ZNF385B: variants seen among roughly 807,000 people sequenced by gnomAD.
The protein encoded by ZNF385B is zinc finger protein 533.
In ZNF385B, 23 loss-of-function variants were observed where a neutral mutation model predicts 39.2. The ratio of observed to expected loss-of-function variants is 0.59; its 90% CI spans 0.42 to 0.83. The LOEUF (loss-of-function observed/expected upper bound fraction) is 0.83. ZNF385B is among the 40% of genes least tolerant of loss of function. The pLI, the probability that ZNF385B is intolerant of heterozygous loss-of-function variation, is 0.00. For synonymous variants in ZNF385B, 205 were observed against 222.6 expected (o/e 0.92, Z 0.70); for missense variants, 552 against 598.9 (o/e 0.92, Z 0.82).
intron 3 of ZNF385B, among the ~76,000 whole-genome samples, chr2:179,740,597 A>G (rs1257481658): frequency 1.3e-5 from 2 of 152,186 alleles, no homozygotes; most frequent in Non-Finnish European, 2.9e-5. Flanking sequence ...TGAAATTTAG[A>G]TTATGGATTC....
chr2:179,496,318 A>G (rs2056200866), intron 5 of ZNF385B, among the ~76,000 whole-genome samples: 1 of 152,346 alleles, frequency 6.6e-6, no homozygotes. Context: ...AATTAAAAAA[A>G]CAATGAAGTA....
intron 3 of ZNF385B, chr2:179,745,886 C>A (rs1702354303): frequency 7.9e-7 from 1 of 1,261,460 alleles, no homozygotes; most frequent in Non-Finnish European, 1.0e-6. Context: ...AGTGCCGCTC[C>A]AAGCCTTCCC....
At chr2:179,617,802 C>T (rs371969807) in intron 3 of ZNF385B, among the ~76,000 whole-genome samples, 1 of 152,104 alleles carries the variant, frequency 6.6e-6, no homozygotes, top group African/African-American at 2.4e-5. Context: ...TTCTAGTATA[C>T]CCATCATCCA....
At chr2:179,576,679 T>G (rs535101672) in intron 3 of ZNF385B, among the ~76,000 whole-genome samples, 3 of 152,196 alleles carry the variant, frequency 2.0e-5, no homozygotes, top group Non-Finnish European at 1.5e-5. Context: ...ACTAACAAAT[T>G]TGAACATGAT....
chr2:179,757,187 G>A lies in ZNF385B; in HGVS notation c.298+12316C>T, dbSNP rs542798592. Among the ~76,000 whole-genome samples the A allele has an allele frequency of 3.7e-4, 56 of 152,328 alleles. 1 individual carries two copies. Among genetic ancestry groups the A allele is most frequent in the African/African-American group, 1.2e-3 (48 of 41,580 alleles). The stretch of plus-strand genomic sequence containing the variant: ...TGTTAGTTTTCCTTCTAACAGTCAG[G>A]ACCCTCAGCTGCAGGTCTGTTGGAG... On this transcript the variant is annotated intron_variant, in intron 3 of 9. Coordinates refer to ENST00000410066, the MANE Select transcript of ZNF385B (RefSeq NM_152520.6).
At chr2:179,797,357 T>C (rs1705734192) in intron 1 of ZNF385B, among the ~76,000 whole-genome samples, 1 of 152,180 alleles carries the variant, frequency 6.6e-6, no homozygotes, top group Non-Finnish European at 1.5e-5. Flanking sequence ...TTAGTATGTC[T>C]CTAAAAGATG....
intron 6 of ZNF385B, among the ~76,000 whole-genome samples, chr2:179,449,333 T>C (rs968249067): frequency 3.8e-4 from 58 of 152,046 alleles, no homozygotes; most frequent in African/African-American, 1.4e-3. Context: ...TAGAATAGGG[T>C]TGAAAATGAG....
At chr2:179,687,184 A>G (rs990205989) in intron 3 of ZNF385B, among the ~76,000 whole-genome samples, 5 of 151,322 alleles carry the variant, frequency 3.3e-5, no homozygotes, top group Non-Finnish European at 5.9e-5. Flanking sequence ...ACAGGAGCCA[A>G]TCATGGAGGA....
At chr2:179,485,252 T>C (rs1024730861) in intron 5 of ZNF385B, among the ~76,000 whole-genome samples, 1 of 152,212 alleles carries the variant, frequency 6.6e-6, no homozygotes, top group Admixed American at 6.5e-5. Flanking sequence ...ATATCATTGA[T>C]TGCTTGAAGC....
intron 3 of ZNF385B, among the ~76,000 whole-genome samples, chr2:179,628,578 A>C (rs1690888462): frequency 6.6e-6 from 1 of 152,180 alleles, no homozygotes; most frequent in South Asian, 2.1e-4. Context: ...GAAGGTGAGT[A>C]ATTTCTGCTG....
rs573703724 is a variant in ZNF385B at position 179,825,210 on chromosome 2, C to T, written c.-155+35891G>A. Among the ~76,000 whole-genome samples the T allele has an allele frequency of 2.0e-5, 3 of 152,278 alleles. No homozygotes were observed. In the East Asian group the frequency reaches 5.8e-4, roughly 29 times the overall value. ...AATGGCCTTTGTATTACAATACAAT[C>T]AGATTATGTCTAATCTAAATGCTGT... On this transcript the variant is annotated intron_variant, in intron 1 of 9. Coordinates refer to ENST00000410066, the MANE Select transcript of ZNF385B (RefSeq NM_152520.6).
At chr2:179,463,743 A>G (rs748878168) in intron 6 of ZNF385B, among the ~76,000 whole-genome samples, 5 of 152,166 alleles carry the variant, frequency 3.3e-5, no homozygotes, top group Non-Finnish European at 5.9e-5. Context: ...TTCTTTATCC[A>G]GTCTAATATT....
In ZNF385B at chr2:179,493,647, G is replaced by A. The variant is rs1559335903; in HGVS notation, c.553-10213C>T. ...TGTATACGCATATGTATACACATAT[G>A]CGTATACATATATGTATATGCATAT... On this transcript the variant is annotated intron_variant, in intron 5 of 9. Coordinates refer to ENST00000410066, the MANE Select transcript of ZNF385B (RefSeq NM_152520.6). Among the ~76,000 whole-genome samples the A allele has an allele frequency of 9.3e-4, 98 of 105,502 alleles. 1 individual carries two copies. Among genetic ancestry groups the A allele is most frequent in the East Asian group, 5.9e-3 (17 of 2,874 alleles). The allele number at this position is 105,502 out of a possible 152,430, so 69.2% of individuals were successfully genotyped here.
intron 3 of ZNF385B, among the ~76,000 whole-genome samples, chr2:179,554,732 T>C (rs1362712605): frequency 6.7e-6 from 1 of 148,978 alleles, no homozygotes; most frequent in Admixed American, 6.7e-5. Flanking sequence ...AAATGGCCAA[T>C]AAACATACAA....
chr2:179,641,326 C>T (rs1449910753), intron 3 of ZNF385B, among the ~76,000 whole-genome samples: 1 of 151,990 alleles, frequency 6.6e-6, no homozygotes, highest in Non-Finnish European at 1.5e-5. Context: ...TTTTAATTGC[C>T]CTTCTCACAC....
intron 1 of ZNF385B, among the ~76,000 whole-genome samples, chr2:179,798,514 T>C (rs1225653878): frequency 6.6e-6 from 1 of 152,190 alleles, no homozygotes; most frequent in Non-Finnish European, 1.5e-5. Context: ...TCATCTTCAC[T>C]GATCTTCATC....
At chr2:179,747,205 A>G (rs1169454062) in intron 3 of ZNF385B, among the ~76,000 whole-genome samples, 2 of 152,138 alleles carry the variant, frequency 1.3e-5, no homozygotes, top group African/African-American at 2.4e-5. Flanking sequence ...TTTACGTAAC[A>G]CAGCATTCTG....
chr2:179,520,062 G>A (rs889084580), intron 4 of ZNF385B, among the ~76,000 whole-genome samples: 2 of 151,936 alleles, frequency 1.3e-5, no homozygotes, highest in Non-Finnish European at 1.5e-5. Context: ...CCAGGTGCAG[G>A]GGCTTATGCC....
At chr2:179,683,413 T>A (rs547092630) in intron 3 of ZNF385B, among the ~76,000 whole-genome samples, 1 of 151,628 alleles carries the variant, frequency 6.6e-6, no homozygotes, top group African/African-American at 2.4e-5. Flanking sequence ...AGAGTGGCTA[T>A]CTCTGAGTGG....
Sources: gnomAD v4.1 joint callset for allele counts (sites outside exome capture counted in the v4.1 genomes callset) on GRCh38, gnomAD v4.1.1 for gene constraint, MANE v1.5 for transcripts, NCBI Gene and HGNC (gene_info 2026-07-23, HGNC 2026-07-21) for gene names.